Variants in PARD3B observed in about 807,000 individuals in gnomAD.
The protein encoded by PARD3B is partitioning defective 3 homolog B.
In PARD3B, 103 loss-of-function variants were observed where a neutral mutation model predicts 130.2. The ratio of observed to expected loss-of-function variants is 0.79; its 90% CI spans 0.67 to 0.93. The LOEUF (loss-of-function observed/expected upper bound fraction) is 0.93, where lower values mean the gene tolerates loss of function less well. Ranked by LOEUF, PARD3B falls within the 40% of genes least tolerant of loss-of-function variation. The pLI, the probability that PARD3B is intolerant of heterozygous loss-of-function variation, is 0.00. For synonymous variants in PARD3B, 583 were observed against 553.2 expected (o/e 1.05, Z -0.76); for missense variants, 1,609 against 1,499.2 (o/e 1.07, Z -1.21).
At chr2:205,096,776 G>A (rs1440135680) in intron 4 of PARD3B, among the ~76,000 whole-genome samples, 1 of 152,116 alleles carries the variant, frequency 6.6e-6, no homozygotes, top group Non-Finnish European at 1.5e-5. Flanking sequence ...CAAGGGACTA[G>A]TTAGTAGAAT....
chr2:204,978,965 C>CAA (rs34432147), intron 3 of PARD3B, among the ~76,000 whole-genome samples: 33 of 74,876 alleles, frequency 4.4e-4, no homozygotes, highest in East Asian at 4.3e-4. Flanking sequence ...ACCCTGGCCT[C>CAA]AAAAAAAAAA....
At chr2:204,852,690 A>G (rs915954105) in intron 2 of PARD3B, among the ~76,000 whole-genome samples, 23 of 152,158 alleles carry the variant, frequency 1.5e-4, no homozygotes, top group African/African-American at 4.3e-4. Flanking sequence ...CAGAAATGCA[A>G]TGCTCCAGAG....
At chr2:204,646,512 G>T (rs577273217) in intron 1 of PARD3B, among the ~76,000 whole-genome samples, 1 of 151,948 alleles carries the variant, frequency 6.6e-6, no homozygotes, top group South Asian at 2.1e-4. Context: ...TATATTAAAC[G>T]TGAATTATCC....
intron 15 of PARD3B, among the ~76,000 whole-genome samples, chr2:205,208,583 A>G (rs1245073656): frequency 7.0e-6 from 1 of 143,052 alleles, no homozygotes; most frequent in Non-Finnish European, 1.5e-5. Context: ...TAACAGACAA[A>G]CAGAGAGCCA....
chr2:205,519,870 C>T (rs1389285073), intron 21 of PARD3B, among the ~76,000 whole-genome samples: 1 of 152,142 alleles, frequency 6.6e-6, no homozygotes, highest in African/African-American at 2.4e-5. Flanking sequence ...GGTGTTGAAG[C>T]TTTGGGGTGT....
intron 18 of PARD3B, among the ~76,000 whole-genome samples, chr2:205,340,061 T>C (rs1470657021): frequency 6.6e-6 from 1 of 152,148 alleles, no homozygotes; most frequent in African/African-American, 2.4e-5. Context: ...TATTTTTAAG[T>C]AGAGACTGAA....
intron 2 of PARD3B, among the ~76,000 whole-genome samples, chr2:204,932,729 T>C (rs936697112): frequency 1.3e-5 from 2 of 152,170 alleles, no homozygotes; most frequent in African/African-American, 4.8e-5. Context: ...AAAATAAGTA[T>C]GTTTATCAAA....
At chr2:205,378,119 C>T (rs1340851980) in intron 18 of PARD3B, among the ~76,000 whole-genome samples, 1 of 152,130 alleles carries the variant, frequency 6.6e-6, no homozygotes, top group Non-Finnish European at 1.5e-5. Context: ...TGAATCACCA[C>T]CTCACCCCAC....
intron 2 of PARD3B, among the ~76,000 whole-genome samples, chr2:204,903,879 A>C (rs2046953895): frequency 6.6e-6 from 1 of 152,238 alleles, no homozygotes; most frequent in South Asian, 2.1e-4. Context: ...TAGATGACCA[A>C]CCTCTACTCA....
chr2:204,864,048 T>C (rs2045316615), intron 2 of PARD3B, among the ~76,000 whole-genome samples: 2 of 152,228 alleles, frequency 1.3e-5, no homozygotes, highest in Admixed American at 1.3e-4. Context: ...TCCTTTCATC[T>C]TGATAGCGCT....
intron 1 of PARD3B, among the ~76,000 whole-genome samples, chr2:204,652,456 C>T (rs2035511972): frequency 6.6e-6 from 1 of 152,278 alleles, no homozygotes; most frequent in East Asian, 1.9e-4. Flanking sequence ...GTGACCATTA[C>T]CCCAGTTCAG....
At position 205,301,627 on chromosome 2, in the gene PARD3B, G is replaced by C; in HGVS notation, c.2556G>C (p.Lys852Asn). The stretch of plus-strand genomic sequence containing the variant: ...AGGAAAAGGGCAAATTGAAAGTCAA[G>C]GAGAAAAAGCGCAAAGAGGAGAATG... Reference protein sequence around the residue: ...KKKEKGKLKVKEKKRKEENED... With the variant: ...KKKEKGKLKVNEKKRKEENED... The change falls in exon 18 of 23, where the codon AAG (lysine) becomes AAC (asparagine). Residue 852 changes from lysine (K) to asparagine (N), a missense_variant. Coordinates refer to ENST00000406610, the MANE Select transcript of PARD3B (RefSeq NM_001302769.2). This position sits in a 1 kb window ranked among gnomAD's most constrained non-coding sequence, Gnocchi z 5.2. 6.2e-7 allele frequency: 1 copy of C among 1,613,462 alleles called. No individual in the cohort carries two copies. Among genetic ancestry groups the C allele is most frequent in the Admixed American group, 1.7e-5 (1 of 59,940 alleles).
chr2:205,477,803 A>G (rs893930900), intron 20 of PARD3B, among the ~76,000 whole-genome samples: 1 of 152,240 alleles, frequency 6.6e-6, no homozygotes, highest in African/African-American at 2.4e-5. Context: ...TGTTTGTGAA[A>G]TAGACAGAAA....
In PARD3B at chr2:205,461,720, A is replaced by G. The variant is rs2048460210; in HGVS notation, c.3044+21048A>G. 6.6e-6 allele frequency among the ~76,000 whole-genome samples: 1 copy of G among 152,196 alleles called. No homozygotes were observed. Among genetic ancestry groups the G allele is most frequent in the South Asian group, 2.1e-4 (1 of 4,824 alleles). On this transcript the variant is annotated intron_variant, in intron 20 of 22. Transcript: ENST00000406610. The surrounding 1 kb of genome is among the most constrained non-coding windows in gnomAD (Gnocchi z 4.3). The stretch of plus-strand genomic sequence containing the variant: ...TTAAACCACAGAAACCTTGGACTGC[A>G]CCCACAGAGTTTCTGATTCAATAGG...
chr2:205,435,482 A>G (rs568220039), intron 19 of PARD3B, among the ~76,000 whole-genome samples: 32 of 152,068 alleles, frequency 2.1e-4, no homozygotes, highest in Middle Eastern at 6.8e-3. Flanking sequence ...AATTTGGTCA[A>G]CTTATTTTTT....
intron 10 of PARD3B, among the ~76,000 whole-genome samples, chr2:205,153,787 A>G (rs1448523170): frequency 6.6e-6 from 1 of 152,162 alleles, no homozygotes; most frequent in Non-Finnish European, 1.5e-5. Flanking sequence ...CAAAAACAAG[A>G]AATGGGGAAA....
intron 2 of PARD3B, among the ~76,000 whole-genome samples, chr2:204,838,088 C>T (rs1432882252): frequency 6.6e-6 from 1 of 152,104 alleles, no homozygotes; most frequent in Non-Finnish European, 1.5e-5. Flanking sequence ...CAACAAAGAG[C>T]TATGAAACCA....
rs202159284 is a variant in PARD3B at position 205,021,630 on chromosome 2, T to C, written c.395-25951T>C. Among the ~76,000 whole-genome samples the C allele has an allele frequency of 3.2e-3, 458 of 142,490 alleles. 1 individual carries two copies. Among genetic ancestry groups the C allele is most frequent in the Non-Finnish European group, 4.6e-3 (302 of 65,000 alleles). The allele number at this position is 142,490 out of a possible 152,430, so 93.5% of individuals were successfully genotyped here. On this transcript the variant is annotated intron_variant, in intron 3 of 22. Transcript: ENST00000406610. The surrounding 1 kb of genome is among the most constrained non-coding windows in gnomAD (Gnocchi z 4.5). ...TCTCTCTCTCTCTCTCCCTCTCTCTTTCTCTCTCTCTCTCTCTCTCTATAT... is the reference window on the plus strand; with the variant it reads ...TCTCTCTCTCTCTCTCCCTCTCTCTCTCTCTCTCTCTCTCTCTCTCTATAT...
In PARD3B at chr2:205,091,077, T is replaced by C. The variant is rs1020860377; in HGVS notation, c.505-13349T>C. On this transcript the variant is annotated intron_variant, in intron 4 of 22. Coordinates refer to ENST00000406610, the MANE Select transcript of PARD3B (RefSeq NM_001302769.2). This position sits in a 1 kb window ranked among gnomAD's most constrained non-coding sequence, Gnocchi z 4.2. ...AGTTATAAATATGTAAATTAAGCAA[T>C]CTGATTATAGTACACCTTGGCTGCT... Among the ~76,000 whole-genome samples the C allele has an allele frequency of 6.6e-6, 1 of 152,164 alleles. No individual in the cohort carries two copies. The highest frequency in any genetic ancestry group is 1.5e-5 in the Non-Finnish European group (1 of 68,030).
Sources: allele counts gnomAD v4.1 joint callset (sites outside exome capture counted in the v4.1 genomes callset), GRCh38; gene constraint gnomAD v4.1.1; non-coding constraint Gnocchi (gnomAD v3.1); transcripts MANE v1.5; gene names NCBI Gene and HGNC (gene_info 2026-07-23, HGNC 2026-07-21).